Variants in ABCG8 observed in about 807,000 individuals in gnomAD.
ABCG8 encodes ATP-binding cassette sub-family G member 8.
In ABCG8, 81 loss-of-function variants were observed where a neutral mutation model predicts 71.3. The ratio of observed to expected loss-of-function variants is 1.14; its 90% CI spans 0.95 to 1.37. ABCG8 has a LOEUF of 1.37. Ranked by LOEUF, ABCG8 falls within the 40% of genes most tolerant of loss-of-function variation. The pLI, the probability that ABCG8 is intolerant of heterozygous loss-of-function variation, is 0.00. For missense variants in ABCG8, 1,119 were observed against 866.2 expected (o/e 1.29, Z -3.66); for synonymous variants, 451 against 354.7 (o/e 1.27, Z -3.05).
In ABCG8 at chr2:43,851,637, A is replaced by G; in HGVS notation, c.376A>G (p.Lys126Glu). The G allele has an allele frequency of 6.2e-7, 1 of 1,614,216 alleles. No homozygotes were observed. The highest frequency in any genetic ancestry group is 8.5e-7 in the Non-Finnish European group (1 of 1,180,042). ...DVITGRGHGG[K>E]IKSGQIWING... ...GATCACTGGCCGAGGTCACGGCGGC[A>G]AGATCAAGTCAGGCCAGATCTGGAT... is the stretch of plus-strand genomic sequence containing the variant. Residue 126 changes from lysine to glutamate, a missense_variant, in exon 4 of 13, where the codon AAG (lysine) becomes GAG (glutamate). Coordinates refer to ENST00000272286, the MANE Select transcript of ABCG8 (RefSeq NM_022437.3).
Position 43,844,542 on chromosome 2 carries a change from C to A in ABCG8, c.99C>A (p.Asp33Glu), listed in dbSNP as rs746154054. Residue 33 changes from aspartate (D) to glutamate (E), a missense_variant, in exon 2 of 13, where the codon GAC becomes GAA. Coordinates refer to ENST00000272286, the MANE Select transcript of ABCG8 (RefSeq NM_022437.3). ...LQDRLFSSES[D>E]NSLYFTYSGQ... is the part of the protein sequence containing the mutation. ...ATAGATTGTTCTCCTCTGAAAGTGA[C>A]AACAGCCTGTACTTCACCTACAGTG... 1.2e-6 allele frequency: 2 copies of A among 1,614,068 alleles called. No homozygotes were observed. The highest frequency in any genetic ancestry group is 2.7e-5 in the African/African-American group (2 of 74,928).
intron 3 of ABCG8, among the ~76,000 whole-genome samples, chr2:43,849,785 T>A (rs999655343): frequency 6.6e-6 from 1 of 152,196 alleles, no homozygotes; most frequent in Non-Finnish European, 1.5e-5. Flanking sequence ...TCCACTCATG[T>A]TCTCAGGGAT....
chr2:43,853,377 A>C (rs1227654218), intron 6 of ABCG8, among the ~76,000 whole-genome samples: 1 of 152,086 alleles, frequency 6.6e-6, no homozygotes, highest in African/African-American at 2.4e-5. Context: ...GGTCCTGAAC[A>C]CTCAGCATAT....
At chr2:43,859,311 A>G (rs935310595) in intron 6 of ABCG8, among the ~76,000 whole-genome samples, 1 of 151,252 alleles carries the variant, frequency 6.6e-6, no homozygotes, top group African/African-American at 2.4e-5. Flanking sequence ...AATTCTCACT[A>G]TCTGGATAGA....
intron 6 of ABCG8, among the ~76,000 whole-genome samples, chr2:43,857,930 A>G (rs1669169475): frequency 2.0e-5 from 3 of 151,828 alleles, no homozygotes; most frequent in Middle Eastern, 6.8e-3. Flanking sequence ...CTCTCTGGAT[A>G]GAACTCTCAC....
At chr2:43,869,067 A>T (rs1182427510) in intron 6 of ABCG8, among the ~76,000 whole-genome samples, 1 of 151,904 alleles carries the variant, frequency 6.6e-6, no homozygotes, top group Admixed American at 6.6e-5. Flanking sequence ...AACTCTCACT[A>T]TCTGGATAGA....
Position 43,851,764 on chromosome 2 carries a change from C to A in ABCG8, c.503C>A (p.Ala168Asp). ...LPNLTVRETL[A>D]FIAQMRLPRT... ...AACTTGACTGTGCGAGAGACCTTGGCCTTCATTGCCCAGATGCGGCTGCCC... is the reference window on the plus strand; with the variant it reads ...AACTTGACTGTGCGAGAGACCTTGGACTTCATTGCCCAGATGCGGCTGCCC... The change falls in exon 4 of 13, where the codon GCC (alanine) becomes GAC (aspartate). Residue 168 changes from alanine (A) to aspartate (D), a missense_variant. Physicochemically the swap from Ala to Asp is moderately radical, Grantham distance 126 (BLOSUM62 -2). Coordinates refer to ENST00000272286, the MANE Select transcript of ABCG8 (RefSeq NM_022437.3). 2 of 1,614,242 alleles carry A rather than the reference C, an allele frequency of 1.2e-6. No individual in the cohort carries two copies. The highest frequency in any genetic ancestry group is 1.7e-6 in the Non-Finnish European group (2 of 1,180,048).
At chr2:43,877,153 T>A (rs1250251826) in intron 11 of ABCG8, among the ~76,000 whole-genome samples, 1 of 146,672 alleles carries the variant, frequency 6.8e-6, no homozygotes, top group African/African-American at 2.6e-5. Flanking sequence ...GAGGAGACTG[T>A]GTGAATATGG....
At chr2:43,861,889 T>C (rs1669333367) in intron 6 of ABCG8, among the ~76,000 whole-genome samples, 1 of 151,346 alleles carries the variant, frequency 6.6e-6, no homozygotes, top group African/African-American at 2.4e-5. Context: ...GAAATCTCAC[T>C]ATCTATCTGG....
Position 43,851,598 on chromosome 2 carries a change from T to C in ABCG8, c.337T>C (p.Ser113Pro), listed in dbSNP as rs554717502. 3.7e-6 allele frequency: 6 copies of C among 1,614,198 alleles called. No individual in the cohort carries two copies. In the South Asian group the frequency reaches 5.5e-5, roughly 15 times the overall value. Residue 113 changes from serine (S) to proline (P), a missense_variant, in exon 4 of 13, where the codon TCC becomes CCC. Physicochemically the swap from Ser to Pro is moderately conservative, Grantham distance 74 (BLOSUM62 -1). Coordinates refer to ENST00000272286, the MANE Select transcript of ABCG8 (RefSeq NM_022437.3). ...IIGSSGCGRA[S>P]LLDVITGRGH... is the part of the protein sequence containing the mutation. ...TGGCTTTGCAGGTTGTGGGAGAGCC[T>C]CCTTGCTAGATGTGATCACTGGCCG...
At chr2:43,872,769 C>T (rs577690130) in intron 8 of ABCG8, among the ~76,000 whole-genome samples, 10 of 152,138 alleles carry the variant, frequency 6.6e-5, no homozygotes, top group Non-Finnish European at 1.0e-4. Context: ...CAGAACACCC[C>T]TATTGCTTTT....
intron 6 of ABCG8, among the ~76,000 whole-genome samples, chr2:43,867,111 C>T (rs1351009923): frequency 6.7e-6 from 1 of 150,238 alleles, no homozygotes; most frequent in Non-Finnish European, 1.5e-5. Context: ...AAACCAAACA[C>T]CGCATGTTCT....
Position 43,874,393 on chromosome 2 carries a change from C to A in ABCG8, c.1412-14C>A. ...CTACTTCTTCATTCTCTTTTCCTTT[C>A]CCTTACTTTTTAGGTTACTCAGAGA... On this transcript the variant is annotated splice_polypyrimidine_tract_variant and intron_variant, in intron 9 of 12. Coordinates refer to ENST00000272286, the MANE Select transcript of ABCG8 (RefSeq NM_022437.3). 1 of 1,573,490 alleles carries A rather than the reference C, an allele frequency of 6.4e-7. No homozygotes were observed. Among genetic ancestry groups the A allele is most frequent in the Non-Finnish European group, 8.7e-7 (1 of 1,147,322 alleles).
chr2:43,851,958 C>A, intron 4 of ABCG8, 136 bp downstream of exon 4: 1 of 1,026,578 alleles, frequency 9.7e-7, no homozygotes, highest in Non-Finnish European at 1.5e-6. Context: ...TCCGCCAGCC[C>A]TGGGCTGCAG....
rs150234703 is a variant in ABCG8, at chr2:43,853,660, A to T, written c.964+792A>T. 6.2e-3 allele frequency among the ~76,000 whole-genome samples: 938 copies of T among 152,254 alleles called. 14 individuals carry two copies. Among genetic ancestry groups the T allele is most frequent in the African/African-American group, 0.021 (886 of 41,546 alleles). ...TTGAAGGCAAACATGGGGCCCAAAC[A>T]TGCCAGGCTCAAAGGGTCTCCTGTT... On this transcript the variant is annotated intron_variant, in intron 6 of 12. Transcript: ENST00000272286.
rs759848889 is a variant in ABCG8 at position 43,846,300 on chromosome 2, T to C, written c.311T>C (p.Ile104Thr). 3 of 1,614,162 alleles carry C rather than the reference T, an allele frequency of 1.9e-6. No homozygotes were observed. The highest frequency in any genetic ancestry group is 2.2e-5 in the East Asian group (1 of 44,880). ...AGAAGTGGGCAGATGCTGGCCATCA[T>C]AGGGAGCTCAGGTACCGGAAAGGCA... is the stretch of plus-strand genomic sequence containing the variant. ...KVRSGQMLAI[I>T]GSSGCGRASL... Residue 104 changes from isoleucine (I) to threonine (T), a missense_variant, in exon 3 of 13, where the codon ATA becomes ACA. Ile to Thr is a moderately conservative substitution (Grantham distance 89). Coordinates refer to ENST00000272286, the MANE Select transcript of ABCG8 (RefSeq NM_022437.3).
In ABCG8 at chr2:43,882,973, G is replaced by A. The variant is rs1352236760; in HGVS notation, c.*5060G>A. 1.3e-5 allele frequency: 2 copies of A among 152,160 alleles called. No homozygotes were observed. The highest frequency in any genetic ancestry group is 4.8e-5 in the African/African-American group (2 of 41,432). The allele number at this position is 152,160 out of a possible 1,614,324, so 9.4% of individuals were successfully genotyped here. A position where few individuals can be genotyped will look rare whatever the true frequency, so the allele number is the denominator to read the frequency against. The stretch of plus-strand genomic sequence containing the variant: ...TCTACTGACCCATGCTAAAAATAAA[G>A]CTCTTTCGGCTGGGCGCAGTGGCTC... On this transcript the variant is annotated 3_prime_UTR_variant, in exon 13 of 13. Transcript: ENST00000272286.
intron 6 of ABCG8, among the ~76,000 whole-genome samples, chr2:43,858,321 T>C (rs908414500): frequency 2.0e-5 from 3 of 150,362 alleles, no homozygotes; most frequent in African/African-American, 7.3e-5. Flanking sequence ...ACTCTCACTA[T>C]CTTTCTTGAT....
intron 6 of ABCG8, among the ~76,000 whole-genome samples, chr2:43,862,082 C>T (rs1422765071): frequency 6.6e-6 from 1 of 150,936 alleles, no homozygotes; most frequent in Non-Finnish European, 1.5e-5. Flanking sequence ...AATTCTTACT[C>T]TCTTGGTAAA....
Sources: gnomAD v4.1 joint callset for allele counts (sites outside exome capture counted in the v4.1 genomes callset) on GRCh38, gnomAD v4.1.1 for gene constraint, MANE v1.5 for transcripts, NCBI Gene and HGNC (gene_info 2026-07-23, HGNC 2026-07-21) for gene names.